Variants in MGA observed in about 807,000 individuals in gnomAD.
MGA encodes MAX dimerization protein MGA.
In MGA, 40 loss-of-function variants were observed where a neutral mutation model predicts 261.1. That is an observed-to-expected ratio of 0.15 (90% CI 0.12 to 0.20). The LOEUF is 0.20. Among genes scored for constraint, MGA ranks in the 10% least tolerant of loss-of-function variants. The pLI is 1.00. For synonymous variants in MGA, 1,302 were observed against 1,290.6 expected, an observed-to-expected ratio of 1.01 and a Z score of -0.19; for missense variants, 3,397 against 3,630.5, an observed-to-expected ratio of 0.94 and a Z score of 1.65.
At chr15:41,710,634 G>A in intron 7 of MGA, 57 bp from the exon 8 acceptor site, 1 of 1,462,666 alleles carries the variant, frequency 6.8e-7, no homozygotes, top group Non-Finnish European at 9.2e-7. Flanking sequence ...TGTTTTTATG[G>A]AGATTCATAA....
intron 5 of MGA, among the ~76,000 whole-genome samples, chr15:41,701,695 G>T (rs2059862768): frequency 6.6e-6 from 1 of 152,154 alleles, no homozygotes; most frequent in South Asian, 2.1e-4. Context: ...AGCTGGAGTG[G>T]CTATGTGATG....
intron 2 of MGA, among the ~76,000 whole-genome samples, chr15:41,687,276 A>G (rs1035800974): frequency 8.5e-5 from 13 of 152,178 alleles, no homozygotes; most frequent in South Asian, 2.1e-4. Flanking sequence ...TAAGCTAAGA[A>G]TGATTTTTAA....
At chr15:41,651,560 T>C (rs2057043958) in intron 1 of MGA, among the ~76,000 whole-genome samples, 1 of 147,504 alleles carries the variant, frequency 6.8e-6, no homozygotes, top group Admixed American at 6.8e-5. Flanking sequence ...ATCTTCCCCT[T>C]CCTTCCCCTT....
At chr15:41,658,814 C>T (rs1285375363), upstream of MGA, among the ~76,000 whole-genome samples, 1 of 151,488 alleles carries the variant, frequency 6.6e-6, no homozygotes, top group African/African-American at 2.4e-5. Flanking sequence ...CCCAAGTTGT[C>T]CTCACAGATC....
intron 2 of MGA, among the ~76,000 whole-genome samples, chr15:41,686,225 T>C (rs574545980): frequency 2.4e-4 from 36 of 151,660 alleles, no homozygotes; most frequent in South Asian, 1.9e-3. Context: ...TGAAAATAAA[T>C]TTTGAGGCAG....
chr15:41,727,711 G>A (rs1433921244), intron 10 of MGA, among the ~76,000 whole-genome samples: 1 of 151,938 alleles, frequency 6.6e-6, no homozygotes, highest in African/African-American at 2.4e-5. Flanking sequence ...TAGAATATTA[G>A]TAATCAATAT....
Position 41,767,129 on chromosome 15 carries a change from C to G in MGA, c.9047C>G (p.Pro3016Arg), listed in dbSNP as rs1240110813. The stretch of plus-strand genomic sequence containing the variant: ...CTCAAGGTGATGCCTTGTTTGGCAC[C>G]TATAGCTGCCAAAGTTGGGTCAGTT... The change falls in exon 24 of 24, where the codon CCT becomes CGT. Residue 3016 changes from proline (P) to arginine (R), a missense_variant. Around this residue, in one of 9 missense-constraint regions of MGA, gnomAD observed 647 missense variants for 642.4 expected, o/e 1.01. Coordinates refer to ENST00000219905, the MANE Select transcript of MGA (RefSeq NM_001164273.2). 1.2e-6 allele frequency: 2 copies of G among 1,613,942 alleles called. No homozygotes were observed. The highest frequency in any genetic ancestry group is 1.7e-6 in the Non-Finnish European group (2 of 1,179,870).
intron 9 of MGA, among the ~76,000 whole-genome samples, chr15:41,715,937 G>A (rs1187402598): frequency 1.3e-5 from 2 of 152,130 alleles, no homozygotes; most frequent in Non-Finnish European, 2.9e-5. Context: ...AAATACGGAA[G>A]CCCACATAAG....
intron 1 of MGA, among the ~76,000 whole-genome samples, chr15:41,654,139 T>C (rs1255621785): frequency 6.6e-6 from 1 of 152,236 alleles, no homozygotes; most frequent in Non-Finnish European, 1.5e-5. Context: ...AAGTGACTTA[T>C]ACTCCATCAC....
chr15:41,738,416 A>G (rs1378555423), intron 13 of MGA, among the ~76,000 whole-genome samples: 1 of 152,216 alleles, frequency 6.6e-6, no homozygotes, highest in Admixed American at 6.5e-5. Flanking sequence ...TAATATTAAT[A>G]TGATTGATCT....
At chr15:41,663,839 G>C (rs1352881752) in intron 1 of MGA, among the ~76,000 whole-genome samples, 2 of 152,048 alleles carry the variant, frequency 1.3e-5, no homozygotes, top group East Asian at 3.8e-4. Context: ...AGTGGTCTTG[G>C]TGTGTCTGAA....
intron 3 of MGA, among the ~76,000 whole-genome samples, chr15:41,697,692 A>T (rs2059612601): frequency 6.6e-6 from 1 of 152,228 alleles, no homozygotes; most frequent in African/African-American, 2.4e-5. Flanking sequence ...CTGGGATTAC[A>T]TGCATGAGCC....
intron 1 of MGA, among the ~76,000 whole-genome samples, chr15:41,667,229 T>C (rs1310473213): frequency 2.0e-5 from 3 of 152,140 alleles, no homozygotes; most frequent in African/African-American, 7.2e-5. Context: ...CTTTAAAAAT[T>C]ATTATTACTG....
intron 1 of MGA, among the ~76,000 whole-genome samples, chr15:41,635,921 G>C (rs1005371117): frequency 6.6e-6 from 1 of 152,060 alleles, no homozygotes; most frequent in African/African-American, 2.4e-5. Flanking sequence ...TGTGCTGCCA[G>C]TTGTATAAAA....
intron 7 of MGA, 131 bp from the exon 8 acceptor site, chr15:41,710,560 C>A: frequency 1.1e-6 from 1 of 930,782 alleles, no homozygotes; most frequent in Non-Finnish European, 1.6e-6. Context: ...AGTCACTGTG[C>A]CCAGCTAAGG....
At chr15:41,761,714 A>G in intron 20 of MGA, 25 bp from the exon 21 acceptor site, 1 of 1,438,514 alleles carries the variant, frequency 7.0e-7, no homozygotes, top group African/African-American at 1.4e-5. Flanking sequence ...ATCAATTTTC[A>G]ATAATACCAC....
At position 41,766,809 on chromosome 15, in the gene MGA, T is replaced by A; in HGVS notation, c.8727T>A (p.Phe2909Leu). ...TCTTGCACTTGGAAGACGATGACTT[T>A]TCTGAGAATGAAAAACAACTTGCAG... is the stretch of plus-strand genomic sequence containing the variant. The change falls in exon 24 of 24, where the codon TTT (phenylalanine) becomes TTA (leucine). Residue 2909 changes from phenylalanine to leucine, a missense_variant. Phe to Leu is a conservative substitution (Grantham distance 22). Transcript: ENST00000219905. The A allele has an allele frequency of 6.2e-7, 1 of 1,614,026 alleles. No homozygotes were observed. The highest frequency in any genetic ancestry group is 8.5e-7 in the Non-Finnish European group (1 of 1,179,892).
intron 1 of MGA, among the ~76,000 whole-genome samples, chr15:41,635,529 AT>A (rs1427293384): frequency 6.0e-5 from 9 of 151,174 alleles, no homozygotes; most frequent in Admixed American, 5.3e-4. Context: ...CCCCCCTCCT[AT>A]AAAAAATTTT....
Position 41,749,327 on chromosome 15 carries a change from C to G in MGA, c.5720C>G (p.Pro1907Arg), listed in dbSNP as rs373830935. The change falls in exon 17 of 24, where the codon CCT becomes CGT. Residue 1907 changes from proline (P) to arginine (R), a missense_variant. Pro to Arg is a moderately radical substitution (Grantham distance 103). Around this residue, in one of 9 missense-constraint regions of MGA, gnomAD observed 1,410 missense variants for 1,386.4 expected, o/e 1.02. Coordinates refer to ENST00000219905, the MANE Select transcript of MGA (RefSeq NM_001164273.2). The stretch of plus-strand genomic sequence containing the variant: ...ACATTGACCCTGAGGATTTCTCCTC[C>G]TGAACCACAAAGCTTTGCAAGTAAA... The G allele has an allele frequency of 3.7e-6, 6 of 1,613,984 alleles. No homozygotes were observed. Among genetic ancestry groups the G allele is most frequent in the Non-Finnish European group, 5.1e-6 (6 of 1,179,886 alleles).
Sources: allele counts gnomAD v4.1 joint callset (sites outside exome capture counted in the v4.1 genomes callset), GRCh38; gene constraint gnomAD v4.1.1; regional missense constraint gnomAD v4.1.1; transcripts MANE v1.5; gene names NCBI Gene and HGNC (gene_info 2026-07-23, HGNC 2026-07-21).